The following NAV2 variants were observed in gnomAD, a reference collection of about 807,000 sequenced individuals.
NAV2 encodes the protein neuron navigator 2, also known as helicase, APC down-regulated 1.
A neutral mutation model predicts 223.2 loss-of-function variants in NAV2; 54 were observed. The observed-to-expected ratio is 0.24, with a 90% CI of 0.19 to 0.30. The LOEUF is 0.30. NAV2 is among the 10% of genes least tolerant of loss of function. The pLI, the probability that NAV2 is intolerant of heterozygous loss-of-function variation, is 1.00. For missense variants in NAV2, 2,806 were observed against 3,147.5 expected, an observed-to-expected ratio of 0.89 and a Z score of 2.60; for synonymous variants, 1,279 against 1,239.3, an observed-to-expected ratio of 1.03 and a Z score of -0.67.
At chr11:20,108,452 A>AT (rs1313014917) in intron 36 of NAV2, among the ~76,000 whole-genome samples, 4 of 150,684 alleles carry the variant, frequency 2.7e-5, no homozygotes, top group Non-Finnish European at 4.4e-5. Context: ...AATTCTTTTT[A>AT]TTTTTTTTTA....
chr11:20,003,645 G>A (rs2052772150), intron 11 of NAV2, among the ~76,000 whole-genome samples: 1 of 152,074 alleles, frequency 6.6e-6, no homozygotes, highest in Non-Finnish European at 1.5e-5. Context: ...GCTCTGGTTT[G>A]TTGCCTCTCC....
intron 10 of NAV2, among the ~76,000 whole-genome samples, chr11:19,980,941 T>C (rs1299450407): frequency 1.3e-5 from 2 of 152,220 alleles, no homozygotes; most frequent in Admixed American, 1.3e-4. Context: ...ACAGAATTTA[T>C]TTCAAAGAAT....
intron 1 of NAV2, among the ~76,000 whole-genome samples, chr11:19,796,046 A>G (rs766055945): frequency 3.9e-4 from 60 of 152,198 alleles, no homozygotes; most frequent in Non-Finnish European, 7.2e-4. Context: ...CTGCATATAT[A>G]TAATGTGTTA....
intron 1 of NAV2, among the ~76,000 whole-genome samples, chr11:19,456,443 G>T (rs1189391460): frequency 3.3e-5 from 5 of 152,288 alleles, no homozygotes; most frequent in African/African-American, 1.2e-4. Flanking sequence ...AGGGTGATGG[G>T]CCTAGAGAAA....
chr11:19,837,997 T>C (rs114326107), intron 2 of NAV2, among the ~76,000 whole-genome samples: 2,617 of 152,200 alleles, frequency 0.017, 64 homozygotes, highest in African/African-American at 0.06. Flanking sequence ...TACTCTGAAA[T>C]GGCTCAGAAG....
chr11:19,879,084 TA>T (rs1458436518), intron 4 of NAV2, among the ~76,000 whole-genome samples: 5 of 152,184 alleles, frequency 3.3e-5, no homozygotes. Context: ...CATCTGCATC[TA>T]GCGTTAACTG....
At chr11:19,409,660 G>A (rs1850056050) in intron 1 of NAV2, among the ~76,000 whole-genome samples, 1 of 152,186 alleles carries the variant, frequency 6.6e-6, no homozygotes, top group South Asian at 2.1e-4. Flanking sequence ...CTCCCGTGAT[G>A]CTGCAGGCAC....
chr11:19,384,786 C>A (rs554853636), intron 1 of NAV2: 9 of 152,294 alleles, frequency 5.9e-5, no homozygotes, highest in Non-Finnish European at 8.8e-5. Flanking sequence ...GCGTTCAGTG[C>A]GGGCTTCTCT....
At chr11:19,585,607 G>A (rs971217333) in intron 1 of NAV2, among the ~76,000 whole-genome samples, 1 of 152,174 alleles carries the variant, frequency 6.6e-6, no homozygotes, top group Non-Finnish European at 1.5e-5. Context: ...TTGCTTGTCT[G>A]TAAAGGATTT....
At chr11:19,386,315 C>G (rs1057026628) in intron 1 of NAV2, among the ~76,000 whole-genome samples, 2 of 152,152 alleles carry the variant, frequency 1.3e-5, no homozygotes, top group South Asian at 4.1e-4. Context: ...CTGGGTTGCT[C>G]TATTGCTGTG....
intron 1 of NAV2, among the ~76,000 whole-genome samples, chr11:19,572,252 C>A (rs528497059): frequency 1.3e-5 from 2 of 152,322 alleles, no homozygotes; most frequent in African/African-American, 4.8e-5. Flanking sequence ...GGTCCAGGGT[C>A]CGTGTCGCTG....
At chr11:19,895,183 C>T (rs1353615852) in intron 6 of NAV2, among the ~76,000 whole-genome samples, 1 of 133,578 alleles carries the variant, frequency 7.5e-6, no homozygotes, top group Non-Finnish European at 1.5e-5. Flanking sequence ...AGTCTTAGCT[C>T]AGCCTGCCAA....
At chr11:19,786,872 C>T (rs763809042) in intron 1 of NAV2, among the ~76,000 whole-genome samples, 9 of 152,112 alleles carry the variant, frequency 5.9e-5, no homozygotes, top group Non-Finnish European at 1.2e-4. Context: ...CACCTGTAGC[C>T]TCAGCTACTG....
intron 10 of NAV2, among the ~76,000 whole-genome samples, chr11:19,951,760 C>G (rs12787443): frequency 0.064 from 9,778 of 152,286 alleles, 448 homozygotes; most frequent in South Asian, 0.11. Context: ...AGAGCCTTTA[C>G]CTTTGCTTAA....
intron 7 of NAV2, among the ~76,000 whole-genome samples, chr11:19,937,655 G>T (rs1373457030): frequency 1.3e-5 from 2 of 152,200 alleles, no homozygotes; most frequent in African/African-American, 2.4e-5. Context: ...ATAGATCTTA[G>T]ACCTGGAGCT....
intron 1 of NAV2, among the ~76,000 whole-genome samples, chr11:19,379,906 C>T (rs1339401161): frequency 6.6e-6 from 1 of 152,124 alleles, no homozygotes; most frequent in Non-Finnish European, 1.5e-5. Flanking sequence ...TTCCAAATCA[C>T]CAAACACCAT....
At chr11:20,038,031 G>C (rs1246258881) in intron 12 of NAV2, among the ~76,000 whole-genome samples, 1 of 152,206 alleles carries the variant, frequency 6.6e-6, no homozygotes, top group Admixed American at 6.5e-5. Flanking sequence ...CAAGGTAGGA[G>C]AAGCTTGCTC....
chr11:19,597,203 G>A (rs1243491886), intron 1 of NAV2, among the ~76,000 whole-genome samples: 1 of 152,200 alleles, frequency 6.6e-6, no homozygotes, highest in African/African-American at 2.4e-5. Context: ...GTTAGGAAGA[G>A]TAAATGAAAT....
At chr11:19,602,151 C>G (rs1440844119) in intron 1 of NAV2, among the ~76,000 whole-genome samples, 1 of 148,574 alleles carries the variant, frequency 6.7e-6, no homozygotes, top group African/African-American at 2.5e-5. Context: ...GGGTGGGAGG[C>G]AAGGAGTGCA....
Sources: allele counts gnomAD v4.1 joint callset (sites outside exome capture counted in the v4.1 genomes callset), GRCh38; gene constraint gnomAD v4.1.1; transcripts MANE v1.5; gene names NCBI Gene and HGNC (gene_info 2026-07-23, HGNC 2026-07-21).